The following SMARCA2 variants were observed in gnomAD, a reference collection of about 807,000 sequenced individuals.
SMARCA2 encodes SWI/SNF-related matrix-associated actin-dependent regulator of chromatin subfamily A member 2.
In SMARCA2, 61 loss-of-function variants were observed where a neutral mutation model predicts 199.8. The observed-to-expected ratio is 0.31, with a 90% CI of 0.25 to 0.38. SMARCA2 has a LOEUF of 0.38. SMARCA2 is among the 10% of genes least tolerant of loss of function. The pLI is 1.00. For synonymous variants in SMARCA2, 935 were observed against 732.0 expected, an observed-to-expected ratio of 1.28 and a Z score of -4.48; for missense variants, 1,344 against 2,012.2, an observed-to-expected ratio of 0.67 and a Z score of 6.35.
intron 28 of SMARCA2, among the ~76,000 whole-genome samples, chr9:2,162,436 T>C (rs2129644281): frequency 6.6e-6 from 1 of 152,308 alleles, no homozygotes; most frequent in Non-Finnish European, 1.5e-5. Flanking sequence ...TTTCAGCAAA[T>C]TTACCTTTTT....
chr9:2,104,073 A>G lies in SMARCA2; in HGVS notation c.3196A>G (p.Asn1066Asp), dbSNP rs1822648615. The G allele has an allele frequency of 6.2e-7, 1 of 1,614,042 alleles. No individual in the cohort carries two copies. Among genetic ancestry groups the G allele is most frequent in the Non-Finnish European group, 8.5e-7 (1 of 1,179,976 alleles). The stretch of plus-strand genomic sequence containing the variant: ...TATTCTGCCAAAATTGAGAGCGACT[A>G]ATCACCGAGTGCTGCTTTTCTGCCA... ...DRILPKLRAT[N>D]HRVLLFCQMT... Residue 1066 changes from asparagine to aspartate, a missense_variant, in exon 23 of 34, where the codon AAT (asparagine) becomes GAT (aspartate). This residue lies in a region of SMARCA2 where 98 missense variants were observed against 245.6 expected (regional missense o/e 0.40). Transcript: ENST00000349721. The surrounding 1 kb of genome is among the most constrained non-coding windows in gnomAD (Gnocchi z 4.0).
At chr9:2,043,559 A>G (rs541992273) in intron 4 of SMARCA2, 1 of 152,192 alleles carries the variant, frequency 6.6e-6, no homozygotes, top group South Asian at 2.1e-4. Flanking sequence ...TTTTTTTGAT[A>G]TCTGAAATTT....
In SMARCA2 at chr9:2,182,149, T is replaced by C. The variant is rs2129883219; in HGVS notation, c.4368T>C (p.Ile1456=). 1.9e-6 allele frequency: 3 copies of C among 1,604,500 alleles called. No homozygotes were observed. Among genetic ancestry groups the C allele is most frequent in the Non-Finnish European group, 2.6e-6 (3 of 1,171,634 alleles). The part of the protein sequence containing the change: ...PVDFKKIKER[I]RNHKYRSLGD... ...TCCAAAATTTCCATCAGGAAAGGAT[T>C]CGTAATCATAAGTACCGGAGCCTAG... The change falls in exon 31 of 34, where the codon ATT becomes ATC. Residue 1456 remains isoleucine (I), a synonymous_variant. Coordinates refer to ENST00000349721, the MANE Select transcript of SMARCA2 (RefSeq NM_003070.5).
chr9:2,167,374 A>G (rs1825983941), intron 28 of SMARCA2, among the ~76,000 whole-genome samples: 2 of 152,240 alleles, frequency 1.3e-5, no homozygotes, highest in African/African-American at 2.4e-5. Context: ...CTCCCTCTCT[A>G]TCAATTGCTC....
intron 10 of SMARCA2, among the ~76,000 whole-genome samples, chr9:2,072,311 T>C (rs12345478): frequency 0.053 from 8,085 of 152,274 alleles, 741 homozygotes; most frequent in African/African-American, 0.18. Context: ...GGATCTGTTC[T>C]TAGAAGTACA....
Position 2,118,810 on chromosome 9 carries a change from A to C in SMARCA2, c.3685-648A>C, listed in dbSNP as rs529393375. On this transcript the variant is annotated intron_variant, in intron 25 of 33. Transcript: ENST00000349721. ...GTAATTGCTTTCTCTGCTTCATTTA[A>C]ATTATTTTAATTAAGTATAATTTTG... Among the ~76,000 whole-genome samples, 23 of 152,238 alleles carry C rather than the reference A, an allele frequency of 1.5e-4. 2 individuals are homozygous for C. The South Asian group carries it at 4.6e-3, about 30-fold the overall frequency.
rs1336088526 is a variant in SMARCA2, at chr9:2,170,698, C to G, written c.4253+226C>G. Reference sequence around the variant, plus strand: ...TCTGGCTGTGCCAATTCTATACATGCACTCCTTACAAGGGTATTGGGAGCT... The same window carrying G: ...TCTGGCTGTGCCAATTCTATACATGGACTCCTTACAAGGGTATTGGGAGCT... On this transcript the variant is annotated intron_variant, in intron 29 of 33. Transcript: ENST00000349721. This position sits in a 1 kb window ranked among gnomAD's most constrained non-coding sequence, Gnocchi z 4.7. Among the ~76,000 whole-genome samples the G allele has an allele frequency of 2.0e-5, 3 of 152,164 alleles. No individual in the cohort carries two copies. Among genetic ancestry groups the G allele is most frequent in the Non-Finnish European group, 4.4e-5 (3 of 68,030 alleles).
In SMARCA2 at chr9:2,070,462, G is replaced by A. The variant is rs371544356; in HGVS notation, c.1737G>A (p.Pro579=). 222 of 1,613,092 alleles carry A rather than the reference G, an allele frequency of 1.4e-4. No homozygotes were observed. The highest frequency in any genetic ancestry group is 1.8e-4 in the East Asian group (8 of 44,880). Residue 579 remains proline, a synonymous_variant, in exon 10 of 34, where the codon CCG becomes CCA. Transcript: ENST00000349721. The part of the protein sequence containing the change: ...NAEGGESALG[P]DGEPIDESSQ... The stretch of plus-strand genomic sequence containing the variant: ...AGGGTGGGGAGTCTGCCCTGGGACC[G>A]GATGGAGAGGTAAGGGATCGTCATC...
At chr9:2,085,329 T>C (rs1178490671) in intron 17 of SMARCA2, among the ~76,000 whole-genome samples, 3 of 152,188 alleles carry the variant, frequency 2.0e-5, no homozygotes, top group Non-Finnish European at 2.9e-5. Flanking sequence ...TCAAGATTCA[T>C]TGGAGACGCC....
chr9:2,129,865 T>G (rs1444484680), intron 27 of SMARCA2, among the ~76,000 whole-genome samples: 3 of 152,254 alleles, frequency 2.0e-5, no homozygotes, highest in South Asian at 2.1e-4. Flanking sequence ...GACAAATTCT[T>G]TTTTTTGAGG....
chr9:2,070,308 A>G, intron 9 of SMARCA2, 110 bp from the exon 10 acceptor site: 1 of 842,282 alleles, frequency 1.2e-6, no homozygotes, highest in Non-Finnish European at 2.0e-6. Context: ...AAGCTGTGTT[A>G]GATAATAATG....
At chr9:2,145,548 G>A (rs1313071969) in intron 27 of SMARCA2, among the ~76,000 whole-genome samples, 2 of 152,200 alleles carry the variant, frequency 1.3e-5, no homozygotes, top group Non-Finnish European at 1.5e-5. Context: ...ACACCTGACA[G>A]TAAAGGGGAG....
In SMARCA2 at chr9:2,060,952, C is replaced by A. The variant is rs1820561362; in HGVS notation, c.1658C>A (p.Ala553Asp). The change falls in exon 9 of 34, where the codon GCC becomes GAC. Residue 553 changes from alanine (A) to aspartate (D), a missense_variant. By Grantham distance (126) the Ala-to-Asp change is moderately radical. Around this residue, in one of 18 missense-constraint regions of SMARCA2, gnomAD observed 68 missense variants for 70.4 expected, o/e 0.97. Coordinates refer to ENST00000349721, the MANE Select transcript of SMARCA2 (RefSeq NM_003070.5). ...TGGGAGCACAAGCAAGCCCAGGCAG[C>A]CAAAGAGAAGAAGAAGAGGAGGAGG... Reference protein sequence around the residue: ...LVWEHKQAQAAKEKKKRRRRK... With the variant: ...LVWEHKQAQADKEKKKRRRRK... 1 of 1,613,756 alleles carries A rather than the reference C, an allele frequency of 6.2e-7. No homozygotes were observed. The highest frequency in any genetic ancestry group is 8.5e-7 in the Non-Finnish European group (1 of 1,179,924).
intron 4 of SMARCA2, 164 bp downstream of exon 4, chr9:2,040,064 T>C: frequency 7.5e-7 from 1 of 1,332,056 alleles, no homozygotes; most frequent in Non-Finnish European, 1.0e-6. Flanking sequence ...AGATTCTTGG[T>C]CTTCCCCTGC....
chr9:2,191,481 C>T, intron 33 of SMARCA2, 73 bp downstream of exon 33: 5 of 1,514,918 alleles, frequency 3.3e-6, no homozygotes, highest in Non-Finnish European at 4.5e-6. Context: ...CATTTCCATG[C>T]CCCTTCAGCC....
Position 2,192,644 on chromosome 9 carries a change from A to G in SMARCA2, c.4738-60A>G, listed in dbSNP as rs576859698. 81 of 1,173,912 alleles carry G rather than the reference A, an allele frequency of 6.9e-5. No homozygotes were observed. In the South Asian group the frequency reaches 9.5e-4, roughly 14 times the overall value. 72.7% of individuals were successfully genotyped at this position (1,173,912 alleles called of 1,614,324 possible). A position where few individuals can be genotyped will look rare whatever the true frequency, so the allele number is the denominator to read the frequency against. ...ACTGGCCTCTTGATGGTTTGTTGTT[A>G]TATCTTCTTTTTCTTGCATGTGATG... On this transcript the variant is annotated intron_variant, in intron 33 of 33. Transcript: ENST00000349721.
intron 33 of SMARCA2, 124 bp downstream of exon 33, chr9:2,191,532 G>A: frequency 2.8e-6 from 3 of 1,068,334 alleles, no homozygotes; most frequent in Non-Finnish European, 2.8e-6. Flanking sequence ...TCAGGATTTA[G>A]TGAGATTTCA....
Position 2,192,966 on chromosome 9 carries a change from A to T in SMARCA2, c.*227A>T. On this transcript the variant is annotated 3_prime_UTR_variant, in exon 34 of 34. Coordinates refer to ENST00000349721, the MANE Select transcript of SMARCA2 (RefSeq NM_003070.5). The stretch of plus-strand genomic sequence containing the variant: ...GTGACCAAATGGGCCTCAAAGATTC[A>T]GATTGAAACAAACAAAAAGCTTTTG... The T allele has an allele frequency of 2.0e-6, 1 of 495,374 alleles. No individual in the cohort carries two copies. The highest frequency in any genetic ancestry group is 3.5e-6 in the Non-Finnish European group (1 of 281,876). The allele number at this position is 495,374 out of a possible 1,614,324, so 30.7% of individuals were successfully genotyped here. A position where few individuals can be genotyped will look rare whatever the true frequency, so the allele number is the denominator to read the frequency against.
chr9:2,145,418 C>G (rs1379087533), intron 27 of SMARCA2, among the ~76,000 whole-genome samples: 1 of 151,516 alleles, frequency 6.6e-6, no homozygotes, highest in Non-Finnish European at 1.5e-5. Context: ...TTAGACAAGA[C>G]TAAGATGTGG....
Sources: gnomAD v4.1 joint callset for allele counts (sites outside exome capture counted in the v4.1 genomes callset) on GRCh38, gnomAD v4.1.1 for gene constraint, gnomAD v4.1.1 regional missense constraint, Gnocchi (gnomAD v3.1) non-coding constraint, MANE v1.5 for transcripts, NCBI Gene and HGNC (gene_info 2026-07-23, HGNC 2026-07-21) for gene names.